The following MTF2 variants were observed in gnomAD, a reference collection of about 807,000 sequenced individuals.
MTF2 encodes metal-response element-binding transcription factor 2.
A neutral mutation model predicts 79.5 loss-of-function variants in MTF2; 11 were observed. The observed-to-expected ratio is 0.14, with a 90% CI of 0.09 to 0.23. The LOEUF (loss-of-function observed/expected upper bound fraction) is 0.23, where lower values mean the gene tolerates loss of function less well. Ranked by LOEUF, MTF2 falls within the 10% of genes least tolerant of loss-of-function variation. The pLI, the probability that MTF2 is intolerant of heterozygous loss-of-function variation, is 1.00. For synonymous variants in MTF2, 208 were observed against 232.8 expected (o/e 0.89, Z 0.97); for missense variants, 486 against 711.2 (o/e 0.68, Z 3.60).
chr1:93,102,664 TAG>T (rs1467752444), intron 1 of MTF2, among the ~76,000 whole-genome samples: 1 of 151,938 alleles, frequency 6.6e-6, no homozygotes, highest in Non-Finnish European at 1.5e-5. Flanking sequence ...TAGATAGAAA[TAG>T]AGTGTGTGTT....
At chr1:93,094,561 T>C (rs1655204661) in intron 1 of MTF2, among the ~76,000 whole-genome samples, 2 of 152,218 alleles carry the variant, frequency 1.3e-5, no homozygotes, top group Admixed American at 6.5e-5. Flanking sequence ...AGAAACCAGG[T>C]CATTTGTCAT....
At chr1:93,127,431 A>G (rs765495153) in intron 10 of MTF2, 132 bp downstream of exon 10, 22 of 584,552 alleles carry the variant, frequency 3.8e-5, no homozygotes, top group Middle Eastern at 9.1e-4. Context: ...ATAATGTCCT[A>G]TTCTATTTTA....
chr1:93,121,575 G>A lies in MTF2; in HGVS notation c.921+903G>A. 2.0e-6 allele frequency: 2 copies of A among 978,112 alleles called. 1 individual carries two copies. The highest frequency in any genetic ancestry group is 9.5e-5 in the South Asian group (2 of 21,140). The allele number at this position is 978,112 out of a possible 1,614,324, so 60.6% of individuals were successfully genotyped here. ...CAAATAGGATATCAAAGGGCTTTTTGGGGGTTTATGGGATATCAGGGAGAA... is the reference window on the plus strand; with the variant it reads ...CAAATAGGATATCAAAGGGCTTTTTAGGGGTTTATGGGATATCAGGGAGAA... On this transcript the variant is annotated intron_variant, in intron 9 of 14. Coordinates refer to ENST00000370298, the MANE Select transcript of MTF2 (RefSeq NM_007358.4).
In MTF2 at chr1:93,113,812, G is replaced by T. The variant is rs533948355; in HGVS notation, c.287-876G>T. 3.9e-5 allele frequency among the ~76,000 whole-genome samples: 6 copies of T among 152,150 alleles called. No homozygotes were observed. In the East Asian group the frequency reaches 7.7e-4, roughly 20 times the overall value. On this transcript the variant is annotated intron_variant, in intron 3 of 14. Coordinates refer to ENST00000370298, the MANE Select transcript of MTF2 (RefSeq NM_007358.4). The stretch of plus-strand genomic sequence containing the variant: ...CTATAAATAGTATATTTATAAGTTA[G>T]TTGTAGAATTAAACAAAATATATCA...
At chr1:93,113,031 A>C (rs574687) in intron 3 of MTF2, among the ~76,000 whole-genome samples, 134,552 of 152,106 alleles carry the variant, frequency 0.88, 59,874 homozygotes, top group East Asian at 0.95. Flanking sequence ...GGTTGCTCTC[A>C]TGATCGGAAC....
chr1:93,123,134 G>A (rs1414800496), intron 9 of MTF2, among the ~76,000 whole-genome samples: 1 of 149,430 alleles, frequency 6.7e-6, no homozygotes, highest in Non-Finnish European at 1.5e-5. Flanking sequence ...GGGAAGTAGT[G>A]TATGCTAAAT....
intron 11 of MTF2, among the ~76,000 whole-genome samples, chr1:93,132,662 T>C (rs1224476617): frequency 6.6e-6 from 1 of 152,180 alleles, no homozygotes; most frequent in East Asian, 1.9e-4. Flanking sequence ...TCCCCTACTT[T>C]CTCCTTCCTC....
chr1:93,091,209 A>G (rs182204516), intron 1 of MTF2, among the ~76,000 whole-genome samples: 2 of 151,318 alleles, frequency 1.3e-5, no homozygotes, highest in Non-Finnish European at 2.9e-5. Context: ...ATTTTACTTA[A>G]CCCGTCTGGT....
intron 11 of MTF2, among the ~76,000 whole-genome samples, chr1:93,130,062 A>G (rs1223829737): frequency 3.3e-5 from 5 of 152,220 alleles, no homozygotes; most frequent in African/African-American, 4.8e-5. Context: ...AACAAAGGGA[A>G]AAACTACTCC....
intron 9 of MTF2, chr1:93,121,593 A>AC: frequency 1.0e-6 from 1 of 976,732 alleles, no homozygotes; most frequent in Non-Finnish European, 1.2e-6. Flanking sequence ...ATGGGATATC[A>AC]GGGAGAACAT....
In MTF2 at chr1:93,085,816, A is replaced by G. The variant is rs548275293; in HGVS notation, c.5+6285A>G. 1.1e-4 allele frequency among the ~76,000 whole-genome samples: 16 copies of G among 152,242 alleles called. No individual in the cohort carries two copies. The South Asian group carries it at 2.9e-3, about 28-fold the overall frequency. The stretch of plus-strand genomic sequence containing the variant: ...CCAACTTTTAGCATCCATAGGTTCT[A>G]TGGGTCACACTGCAGAACTTGAGTA... On this transcript the variant is annotated intron_variant, in intron 1 of 14. Coordinates refer to ENST00000370298, the MANE Select transcript of MTF2 (RefSeq NM_007358.4).
chr1:93,118,392 A>G lies in MTF2; in HGVS notation c.680A>G (p.His227Arg). The change falls in exon 7 of 15, where the codon CAT becomes CGT. Residue 227 changes from histidine to arginine, a missense_variant. This residue lies in a region of MTF2 where 177 missense variants were observed against 364.0 expected (regional missense o/e 0.49). Coordinates refer to ENST00000370298, the MANE Select transcript of MTF2 (RefSeq NM_007358.4). Reference sequence around the variant, plus strand: ...TGCTGCAAATGTAAGCAGTGGTTTCATGAGGCTTGTGTGCAATGCCTTCAA... The same window carrying G: ...TGCTGCAAATGTAAGCAGTGGTTTCGTGAGGCTTGTGTGCAATGCCTTCAA... ...LQCCKCKQWFHEACVQCLQKP... is the reference protein window; with the variant it reads ...LQCCKCKQWFREACVQCLQKP... 6.2e-7 allele frequency: 1 copy of G among 1,604,758 alleles called. No homozygotes were observed. The highest frequency in any genetic ancestry group is 8.5e-7 in the Non-Finnish European group (1 of 1,175,220).
chr1:93,099,193 CAT>C (rs1481587650), intron 1 of MTF2, among the ~76,000 whole-genome samples: 2 of 152,152 alleles, frequency 1.3e-5, no homozygotes, highest in African/African-American at 4.8e-5. Flanking sequence ...AATCCTGCAT[CAT>C]GTGTGAAGAG....
chr1:93,118,531 C>G (rs1158870967), intron 7 of MTF2, 91 bp downstream of exon 7: 44 of 830,978 alleles, frequency 5.3e-5, no homozygotes, highest in Admixed American at 1.2e-4. Flanking sequence ...AAGATAGTTT[C>G]AACAGTGATT....
chr1:93,090,393 T>G (rs1041964513), intron 1 of MTF2, among the ~76,000 whole-genome samples: 17 of 152,240 alleles, frequency 1.1e-4, no homozygotes, highest in African/African-American at 4.1e-4. Context: ...ATTACAGGCG[T>G]GAGCCACTGC....
At chr1:93,125,490 A>T (rs1006219018) in intron 9 of MTF2, among the ~76,000 whole-genome samples, 2 of 152,022 alleles carry the variant, frequency 1.3e-5, no homozygotes, top group African/African-American at 4.8e-5. Flanking sequence ...GGAGACTCTT[A>T]TGGAGGGCCA....
At chr1:93,120,831 C>T in intron 9 of MTF2, 159 bp downstream of exon 9, 7 of 1,351,732 alleles carry the variant, frequency 5.2e-6, no homozygotes, top group Non-Finnish European at 6.6e-6. Context: ...GATATCAGGA[C>T]CAGCCTTCTC....
At chr1:93,116,433 A>G (rs1557553931) in intron 6 of MTF2, among the ~76,000 whole-genome samples, 1 of 151,080 alleles carries the variant, frequency 6.6e-6, no homozygotes, top group Non-Finnish European at 1.5e-5. Flanking sequence ...ATACCTTCCT[A>G]ACGTTTGATT....
chr1:93,098,637 C>A (rs1159283494), intron 1 of MTF2, among the ~76,000 whole-genome samples: 1 of 152,012 alleles, frequency 6.6e-6, no homozygotes, highest in Non-Finnish European at 1.5e-5. Flanking sequence ...CTCTGAGATA[C>A]CAGTTTTCAA....
Sources: allele counts gnomAD v4.1 joint callset (sites outside exome capture counted in the v4.1 genomes callset), GRCh38; gene constraint gnomAD v4.1.1; regional missense constraint gnomAD v4.1.1; transcripts MANE v1.5; gene names NCBI Gene and HGNC (gene_info 2026-07-23, HGNC 2026-07-21).